SLC12A6: variants seen among roughly 807,000 people sequenced by gnomAD.
The protein encoded by SLC12A6 is solute carrier family 12 member 6.
SLC12A6 carries 66 observed loss-of-function variants against 135.3 expected under a neutral mutation model. The observed-to-expected ratio is 0.49, with a 90% CI of 0.40 to 0.60. The LOEUF (loss-of-function observed/expected upper bound fraction) is 0.60, where lower values mean the gene tolerates loss of function less well. Ranked by LOEUF, SLC12A6 falls within the 20% of genes least tolerant of loss-of-function variation. The pLI is 0.00. For synonymous variants in SLC12A6, 513 were observed against 508.8 expected (o/e 1.01, Z -0.11); for missense variants, 1,058 against 1,452.3 (o/e 0.73, Z 4.41).
At chr15:34,292,750 C>A (rs988147760) in intron 2 of SLC12A6, among the ~76,000 whole-genome samples, 1 of 152,324 alleles carries the variant, frequency 6.6e-6, no homozygotes, top group African/African-American at 2.4e-5. Context: ...CAAGCTCCCA[C>A]GTCCCAGGTC....
chr15:34,307,334 A>G (rs1311853961), intron 2 of SLC12A6, among the ~76,000 whole-genome samples: 1 of 152,254 alleles, frequency 6.6e-6, no homozygotes, highest in Admixed American at 6.5e-5. Context: ...AAATTTCCAC[A>G]ATAAAAAATA....
At chr15:34,275,313 G>A (rs754659563) in intron 3 of SLC12A6, 32 bp downstream of exon 3, 1 of 1,168,048 alleles carries the variant, frequency 8.6e-7, no homozygotes, top group Non-Finnish European at 1.3e-6. Flanking sequence ...GGGTGACTTT[G>A]GATAAAGTCA....
rs1892775522 is a variant in SLC12A6, at chr15:34,256,747, G to A, written c.691-464C>T. ...TACCCGGTAGCACAGTATAGAATGC[G>A]CTGCAGATAGGAGTAGCTGGAGGCC... On this transcript the variant is annotated intron_variant, in intron 6 of 25. Transcript: ENST00000354181. Among the ~76,000 whole-genome samples the A allele has an allele frequency of 2.0e-5, 3 of 152,316 alleles. 1 individual carries two copies. The highest frequency in any genetic ancestry group is 2.1e-4 in the South Asian group (1 of 4,824).
intron 15 of SLC12A6, among the ~76,000 whole-genome samples, chr15:34,244,741 A>C (rs1384444623): frequency 6.6e-6 from 1 of 152,206 alleles, no homozygotes; most frequent in Admixed American, 6.5e-5. Flanking sequence ...CTTAGCAAAT[A>C]ACCAGTTATT....
intron 2 of SLC12A6, among the ~76,000 whole-genome samples, chr15:34,333,989 G>A (rs2927221): frequency 0.074 from 11,166 of 151,194 alleles, 1,375 homozygotes; most frequent in African/African-American, 0.26. Context: ...AGAATCACTG[G>A]AACCCGGGAG....
intron 2 of SLC12A6, among the ~76,000 whole-genome samples, chr15:34,302,126 A>T (rs1210817258): frequency 6.6e-6 from 1 of 152,222 alleles, no homozygotes; most frequent in African/African-American, 2.4e-5. Context: ...CCTATAACTT[A>T]TACAACCTAT....
intron 3 of SLC12A6, among the ~76,000 whole-genome samples, chr15:34,265,196 C>CA (rs913914447): frequency 3.3e-5 from 5 of 151,030 alleles, no homozygotes; most frequent in Admixed American, 6.6e-5. Flanking sequence ...GACTCCGTCT[C>CA]AAAAAAAAGA....
At chr15:34,296,714 C>G (rs907277024) in intron 2 of SLC12A6, among the ~76,000 whole-genome samples, 1 of 152,106 alleles carries the variant, frequency 6.6e-6, no homozygotes, top group Admixed American at 6.5e-5. Flanking sequence ...ATTGCCGACC[C>G]AGGTAAGACT....
rs774058021 is a variant in SLC12A6, at chr15:34,258,802, T to C, written c.543+11A>G. ...TCTTTCTATGTATTCCTTGTTATTC[T>C]GAGGCCTCACCTTGGTGGGCTTCTT... On this transcript the variant is annotated intron_variant, in intron 5 of 25. Coordinates refer to ENST00000354181, the MANE Select transcript of SLC12A6 (RefSeq NM_001365088.1). The C allele has an allele frequency of 1.2e-6, 2 of 1,610,276 alleles. No individual in the cohort carries two copies. The highest frequency in any genetic ancestry group is 1.7e-6 in the Non-Finnish European group (2 of 1,176,510).
rs981394389 is a variant in SLC12A6 at position 34,265,303 on chromosome 15, G to C, written c.317-4283C>G. On this transcript the variant is annotated intron_variant, in intron 3 of 25. Transcript: ENST00000354181. The stretch of plus-strand genomic sequence containing the variant: ...GTACTGGATACTGTTCTGGGTCCTA[G>C]AGATATAGCAGTGGACATGGCAGTT... Among the ~76,000 whole-genome samples, 4 of 151,774 alleles carry C rather than the reference G, an allele frequency of 2.6e-5. No individual in the cohort carries two copies. In the South Asian group the frequency reaches 6.2e-4, roughly 24 times the overall value.
chr15:34,278,359 G>A (rs1894438348), intron 2 of SLC12A6, among the ~76,000 whole-genome samples: 1 of 152,036 alleles, frequency 6.6e-6, no homozygotes, highest in African/African-American at 2.4e-5. Context: ...CCCAGGAGGT[G>A]GAGGTTGCAG....
chr15:34,251,873 C>G (rs1342688563), intron 10 of SLC12A6, among the ~76,000 whole-genome samples: 3 of 152,136 alleles, frequency 2.0e-5, no homozygotes, highest in Admixed American at 2.0e-4. Context: ...AGAACATTGG[C>G]AATTTTACAA....
chr15:34,268,842 T>C (rs569210582), intron 3 of SLC12A6, among the ~76,000 whole-genome samples: 1 of 151,850 alleles, frequency 6.6e-6, no homozygotes, highest in East Asian at 1.9e-4. Context: ...ATTACTATTA[T>C]GTTTCTTTTT....
chr15:34,331,365 G>A (rs531451795), intron 2 of SLC12A6, among the ~76,000 whole-genome samples: 4 of 152,150 alleles, frequency 2.6e-5, no homozygotes, highest in East Asian at 1.9e-4. Flanking sequence ...GGTCTCGAAC[G>A]CCTGGCCTCA....
At position 34,256,387 on chromosome 15, in the gene SLC12A6, A is replaced by G. The variant is rs1892753761; in HGVS notation, c.691-104T>C. On this transcript the variant is annotated intron_variant, in intron 6 of 25. Transcript: ENST00000354181. ...GAGCACTTGGCAAACATTTAACTCTACCTACTTTTATGGACAGTCATACCT... is the reference window on the plus strand; with the variant it reads ...GAGCACTTGGCAAACATTTAACTCTGCCTACTTTTATGGACAGTCATACCT... 9 of 783,942 alleles carry G rather than the reference A, an allele frequency of 1.1e-5. 1 individual carries two copies. Among genetic ancestry groups the G allele is most frequent in the Admixed American group, 9.2e-5 (5 of 54,424 alleles). The allele number at this position is 783,942 out of a possible 1,614,324, so 48.6% of individuals were successfully genotyped here.
At chr15:34,238,926 G>T in intron 20 of SLC12A6, 39 bp downstream of exon 20, 2 of 1,530,014 alleles carry the variant, frequency 1.3e-6, no homozygotes, top group South Asian at 1.1e-5. Context: ...ATATACCCTC[G>T]ACTTGGGCCT....
chr15:34,318,850 G>C (rs925654420), intron 2 of SLC12A6: 20 of 1,472,676 alleles, frequency 1.4e-5, no homozygotes, highest in Non-Finnish European at 1.7e-5. Context: ...CCCTGAGGGA[G>C]TGGGGCGCTT....
chr15:34,251,891 CG>C (rs1892417219), intron 10 of SLC12A6, among the ~76,000 whole-genome samples: 6 of 152,146 alleles, frequency 3.9e-5, no homozygotes, highest in Admixed American at 3.9e-4. Flanking sequence ...CAAGAATACA[CG>C]GAATATTTTA....
Position 34,242,215 on chromosome 15 carries a change from A to G in SLC12A6, c.2049T>C (p.Leu683=). The change falls in exon 17 of 26, where the codon CTT becomes CTC. Residue 683 remains leucine, a synonymous_variant. Transcript: ENST00000354181. ...GACAGATACTCATTCCCATGAAAGA[A>G]AGGGCCCTAGAAAATTAAAAACAAA... is the stretch of plus-strand genomic sequence containing the variant. ...RPRFRYYHWA[L]SFMGMSICLA... 6.3e-7 allele frequency: 1 copy of G among 1,595,140 alleles called. No homozygotes were observed. The highest frequency in any genetic ancestry group is 8.6e-7 in the Non-Finnish European group (1 of 1,163,176).
Sources: gnomAD v4.1 joint callset for allele counts (sites outside exome capture counted in the v4.1 genomes callset) on GRCh38, gnomAD v4.1.1 for gene constraint, MANE v1.5 for transcripts, NCBI Gene and HGNC (gene_info 2026-07-23, HGNC 2026-07-21) for gene names.